The following FCHSD2 variants were observed in gnomAD, a reference collection of about 807,000 sequenced individuals.
The protein encoded by FCHSD2 is FCH and double SH3 domains 2.
In FCHSD2, 38 loss-of-function variants were observed where a neutral mutation model predicts 108.1. The ratio of observed to expected loss-of-function variants is 0.35; its 90% CI spans 0.27 to 0.46. FCHSD2 has a LOEUF of 0.46. FCHSD2 is among the 20% of genes least tolerant of loss of function. The probability of loss-of-function intolerance (pLI) is 1.00; values close to 1 mark genes in which losing one functional copy is unlikely to be tolerated. For missense variants in FCHSD2, 751 were observed against 897.8 expected (o/e 0.84, Z 2.09); for synonymous variants, 279 against 314.7 (o/e 0.89, Z 1.20).
intron 3 of FCHSD2, among the ~76,000 whole-genome samples, chr11:73,027,574 G>T (rs184216272): frequency 7.2e-5 from 11 of 152,304 alleles, no homozygotes; most frequent in Admixed American, 7.2e-4. Context: ...AGGTAGAAAA[G>T]AAAAACCAAT....
chr11:72,972,817 G>C (rs1857032467), intron 8 of FCHSD2, among the ~76,000 whole-genome samples: 1 of 152,158 alleles, frequency 6.6e-6, no homozygotes, highest in Non-Finnish European at 1.5e-5. Flanking sequence ...ATTCATCTCT[G>C]TATCACCAAG....
intron 8 of FCHSD2, among the ~76,000 whole-genome samples, chr11:72,970,105 A>G (rs1369655420): frequency 6.6e-6 from 1 of 152,248 alleles, no homozygotes; most frequent in Non-Finnish European, 1.5e-5. Context: ...GGTTTGAAAA[A>G]GAAAACTAGA....
intron 2 of FCHSD2, among the ~76,000 whole-genome samples, chr11:73,103,352 C>T (rs1164190187): frequency 6.6e-6 from 1 of 152,132 alleles, no homozygotes; most frequent in Non-Finnish European, 1.5e-5. Context: ...ACCCGCAAAA[C>T]ACTGAAATAA....
intron 9 of FCHSD2, among the ~76,000 whole-genome samples, chr11:72,911,844 T>C (rs1203907058): frequency 2.0e-5 from 3 of 152,138 alleles, no homozygotes; most frequent in African/African-American, 4.8e-5. Flanking sequence ...AGCCTCCCAA[T>C]TTCTTTCATT....
chr11:73,129,463 T>C (rs570866991), intron 2 of FCHSD2, among the ~76,000 whole-genome samples: 6 of 152,298 alleles, frequency 3.9e-5, no homozygotes, highest in African/African-American at 1.4e-4. Flanking sequence ...CATTAGATTC[T>C]CATGGCACGA....
intron 2 of FCHSD2, among the ~76,000 whole-genome samples, chr11:73,112,992 T>C (rs964876281): frequency 2.0e-5 from 3 of 152,142 alleles, no homozygotes; most frequent in Non-Finnish European, 2.9e-5. Flanking sequence ...AGCTACTTTC[T>C]AGATCTGGTA....
chr11:73,016,313 A>C (rs192858401), intron 3 of FCHSD2, among the ~76,000 whole-genome samples: 29 of 152,142 alleles, frequency 1.9e-4, no homozygotes, highest in Non-Finnish European at 2.8e-4. Context: ...AAAAAAAAAA[A>C]AAAACAAAAC....
At chr11:72,988,237 A>G (rs193219671) in intron 6 of FCHSD2, among the ~76,000 whole-genome samples, 40 of 152,316 alleles carry the variant, frequency 2.6e-4, no homozygotes, top group Middle Eastern at 3.4e-3. Context: ...TCCTTCTCAC[A>G]GATGTCTTCA....
At chr11:73,109,749 T>G (rs1247620287) in intron 2 of FCHSD2, among the ~76,000 whole-genome samples, 1 of 152,198 alleles carries the variant, frequency 6.6e-6, no homozygotes, top group Non-Finnish European at 1.5e-5. Flanking sequence ...GTAACAGTAG[T>G]GACAGTGGGC....
chr11:73,000,351 A>G (rs551222305), intron 5 of FCHSD2, among the ~76,000 whole-genome samples: 3 of 152,308 alleles, frequency 2.0e-5, no homozygotes, highest in African/African-American at 7.2e-5. Context: ...CAATTTTTGT[A>G]ACTCTATTTC....
At chr11:72,931,127 G>A (rs964087185) in intron 8 of FCHSD2, among the ~76,000 whole-genome samples, 10 of 143,026 alleles carry the variant, frequency 7.0e-5, no homozygotes, top group Non-Finnish European at 1.3e-4. Flanking sequence ...AAGGAGTCGC[G>A]CTGTGTCACC....
At chr11:72,957,936 A>AGGCTG in intron 8 of FCHSD2, among the ~76,000 whole-genome samples, 1 of 152,302 alleles carries the variant, frequency 6.6e-6, no homozygotes, top group East Asian at 1.9e-4. Flanking sequence ...GAATTATATA[A>AGGCTG]ACATAAATTA....
intron 8 of FCHSD2, among the ~76,000 whole-genome samples, chr11:72,932,879 G>A (rs796953409): frequency 1.4e-4 from 22 of 152,140 alleles, no homozygotes; most frequent in African/African-American, 4.6e-4. Flanking sequence ...ATCAGAATTC[G>A]CATGATTACA....
chr11:72,912,378 T>C (rs1487274328), intron 9 of FCHSD2, among the ~76,000 whole-genome samples: 3 of 152,212 alleles, frequency 2.0e-5, no homozygotes, highest in African/African-American at 7.2e-5. Context: ...TATCAAATGC[T>C]TTTTCAGTAT....
At chr11:73,061,398 T>C (rs1208122897) in intron 3 of FCHSD2, among the ~76,000 whole-genome samples, 5 of 152,152 alleles carry the variant, frequency 3.3e-5, no homozygotes, top group Non-Finnish European at 5.9e-5. Flanking sequence ...AACACCAAAC[T>C]AGCTGCAGGA....
intron 3 of FCHSD2, 33 bp from the exon 4 acceptor site, chr11:73,015,918 A>T (rs1472351207): frequency 4.2e-6 from 5 of 1,189,032 alleles, no homozygotes; most frequent in Middle Eastern, 2.0e-4. Context: ...TCTAAAATAA[A>T]TATTATGCCA....
intron 3 of FCHSD2, among the ~76,000 whole-genome samples, chr11:73,066,265 T>C (rs1304567323): frequency 6.6e-6 from 1 of 152,172 alleles, no homozygotes; most frequent in Non-Finnish European, 1.5e-5. Flanking sequence ...ACCTATTTAA[T>C]AAATGTTGTT....
chr11:73,103,574 C>T (rs1042594885), intron 2 of FCHSD2, among the ~76,000 whole-genome samples: 3 of 152,142 alleles, frequency 2.0e-5, no homozygotes, highest in African/African-American at 7.2e-5. Flanking sequence ...GTCTGTCTTT[C>T]TCAAACAAGT....
chr11:73,132,936 G>A (rs1283022963), intron 2 of FCHSD2, among the ~76,000 whole-genome samples: 1 of 150,884 alleles, frequency 6.6e-6, no homozygotes, highest in Non-Finnish European at 1.5e-5. Flanking sequence ...CAATAAAAAT[G>A]ATTTTTTAAA....
Sources: allele counts gnomAD v4.1 joint callset (sites outside exome capture counted in the v4.1 genomes callset), GRCh38; gene constraint gnomAD v4.1.1; transcripts MANE v1.5; gene names NCBI Gene and HGNC (gene_info 2026-07-23, HGNC 2026-07-21).